REST: variants seen among roughly 807,000 people sequenced by gnomAD.
The protein encoded by REST is RE1-silencing transcription factor.
REST carries 1 observed loss-of-function variant against 30.4 expected under a neutral mutation model. The ratio of observed to expected loss-of-function variants is 0.03; its 90% CI spans 0.01 to 0.16. REST has a LOEUF of 0.16. Among genes scored for constraint, REST ranks in the 10% least tolerant of loss-of-function variants. The pLI, the probability that REST is intolerant of heterozygous loss-of-function variation, is 1.00. For synonymous variants in REST, 504 were observed against 451.1 expected, an observed-to-expected ratio of 1.12 and a Z score of -1.49; for missense variants, 1,259 against 1,329.5, an observed-to-expected ratio of 0.95 and a Z score of 0.82.
At chr4:56,928,130 G>A (rs1560450315) in intron 3 of REST, among the ~76,000 whole-genome samples, 3 of 152,118 alleles carry the variant, frequency 2.0e-5, no homozygotes, top group Non-Finnish European at 4.4e-5. Flanking sequence ...TTTTTGAGAC[G>A]AAGTTTCGCT....
intron 3 of REST, 32 bp downstream of exon 3, chr4:56,919,902 T>C: frequency 8.5e-7 from 1 of 1,178,244 alleles, no homozygotes; most frequent in Non-Finnish European, 1.2e-6. Context: ...TTCTATCATT[T>C]TCAGTAAATG....
rs1560456093 is a variant in REST at position 56,935,368 on chromosome 4, AGATT to A, written c.*3219_*3222del. 6 of 152,264 alleles carry A rather than the reference AGATT, an allele frequency of 3.9e-5. No individual in the cohort carries two copies. The highest frequency in any genetic ancestry group is 8.8e-5 in the Non-Finnish European group (6 of 68,046). The allele number at this position is 152,264 out of a possible 1,614,324, so 9.4% of individuals were successfully genotyped here. On this transcript the variant is annotated 3_prime_UTR_variant, in exon 4 of 4. Transcript: ENST00000309042. ...TGAAGTGAACAGATAGTGTTAATTC[AGATT>A]GAAGAAATTATCTGAATCTTGGTTT... is the stretch of plus-strand genomic sequence containing the variant.
In REST at chr4:56,930,633, G is replaced by C. The variant is rs751413133; in HGVS notation, c.1775G>C (p.Ser592Thr). The C allele has an allele frequency of 6.2e-7, 1 of 1,613,274 alleles. No individual in the cohort carries two copies. Among genetic ancestry groups the C allele is most frequent in the East Asian group, 2.2e-5 (1 of 44,886 alleles). ...CTGAAAAATAAATCAAGTAAGAAAAGCAGTAAGCCTCCTCAGAAGGAACCT... is the reference window on the plus strand; with the variant it reads ...CTGAAAAATAAATCAAGTAAGAAAACCAGTAAGCCTCCTCAGAAGGAACCT... The part of the protein sequence containing the change: ...KTLKNKSSKK[S>T]SKPPQKEPVE... The change falls in exon 4 of 4, where the codon AGC becomes ACC. Residue 592 changes from serine (S) to threonine (T), a missense_variant. This residue lies in a region of REST where 856 missense variants were observed against 772.8 expected (regional missense o/e 1.11). Transcript: ENST00000309042.
chr4:56,929,104 G>A (rs1720846839), intron 3 of REST, among the ~76,000 whole-genome samples: 2 of 146,588 alleles, frequency 1.4e-5, no homozygotes, highest in Non-Finnish European at 3.0e-5. Flanking sequence ...CAGTCTCGCT[G>A]TCACCTAGGC....
chr4:56,921,172 A>T (rs972336252), intron 3 of REST, among the ~76,000 whole-genome samples: 2 of 152,038 alleles, frequency 1.3e-5, no homozygotes, highest in African/African-American at 4.8e-5. Flanking sequence ...CCGAACTACC[A>T]CTTCTAATTA....
chr4:56,908,810 C>G (rs1719750376), intron 1 of REST: 1 of 151,828 alleles, frequency 6.6e-6, no homozygotes, highest in African/African-American at 2.4e-5. Flanking sequence ...ACCGCTGGAG[C>G]TGGCGGGGCT....
intron 3 of REST, among the ~76,000 whole-genome samples, chr4:56,921,861 C>T (rs1425776734): frequency 6.6e-6 from 1 of 152,130 alleles, no homozygotes; most frequent in Non-Finnish European, 1.5e-5. Context: ...TTAATTTTAA[C>T]TGTTTCCTTT....
Position 56,911,098 on chromosome 4 carries a change from T to C in REST, c.460T>C (p.Ser154Pro). ...TGGAGCGGAGGACAAAGGCAAGAGC[T>C]CGAAGACCAAACCCTTTCGCTGTAA... is the stretch of plus-strand genomic sequence containing the variant. ...TPGAEDKGKS[S>P]KTKPFRCKPC... is the part of the protein sequence containing the mutation. Residue 154 changes from serine to proline, a missense_variant, in exon 2 of 4, where the codon TCG becomes CCG. Around this residue, in one of 5 missense-constraint regions of REST, gnomAD observed 249 missense variants for 251.5 expected, o/e 0.99. Transcript: ENST00000309042. 1 of 1,614,170 alleles carries C rather than the reference T, an allele frequency of 6.2e-7. No homozygotes were observed. Among genetic ancestry groups the C allele is most frequent in the African/African-American group, 1.3e-5 (1 of 75,038 alleles).
intron 3 of REST, among the ~76,000 whole-genome samples, chr4:56,929,243 G>A (rs192518633): frequency 1.3e-5 from 2 of 151,302 alleles, no homozygotes; most frequent in African/African-American, 2.4e-5. Context: ...AATTTTTTTT[G>A]TATTTTTAGT....
At position 56,908,019 on chromosome 4, in the gene REST, G is replaced by C. The variant is rs1719699523; in HGVS notation, c.-204G>C. ...CCCTGGCGGCGGCTGCCGCAGCCGA[G>C]ACGGCAGGGCGAGGCCCGGAGGCCT... On this transcript the variant is annotated 5_prime_UTR_variant, in exon 1 of 4. Transcript: ENST00000309042. 1 of 369,570 alleles carries C rather than the reference G, an allele frequency of 2.7e-6. No individual in the cohort carries two copies. Among genetic ancestry groups the C allele is most frequent in the Non-Finnish European group, 4.8e-6 (1 of 207,248 alleles). 22.9% of individuals were successfully genotyped at this position (369,570 alleles called of 1,614,324 possible).
intron 1 of REST, among the ~76,000 whole-genome samples, chr4:56,909,831 G>A (rs1458359204): frequency 6.6e-6 from 1 of 152,226 alleles, no homozygotes; most frequent in Non-Finnish European, 1.5e-5. Context: ...CAAGCACAAT[G>A]CAAGAAAGTT....
chr4:56,929,763 A>T, intron 3 of REST, 78 bp from the exon 4 acceptor site: 1 of 1,285,814 alleles, frequency 7.8e-7, no homozygotes, highest in Non-Finnish European at 1.1e-6. Flanking sequence ...TTGTTACTTT[A>T]CATATACAGT....
At chr4:56,923,589 C>T (rs1026416113) in intron 3 of REST, among the ~76,000 whole-genome samples, 1 of 152,036 alleles carries the variant, frequency 6.6e-6, no homozygotes, top group Non-Finnish European at 1.5e-5. Flanking sequence ...AAATTACAGG[C>T]ACCCGCCACC....
At chr4:56,908,507 G>A (rs557090350) in intron 1 of REST, among the ~76,000 whole-genome samples, 1 of 151,908 alleles carries the variant, frequency 6.6e-6, no homozygotes, top group Admixed American at 6.5e-5. Context: ...TGGCCCGGAC[G>A]CTCCACCGAG....
At chr4:56,924,707 C>T (rs1387758473) in intron 3 of REST, among the ~76,000 whole-genome samples, 1 of 151,992 alleles carries the variant, frequency 6.6e-6, no homozygotes, top group Non-Finnish European at 1.5e-5. Context: ...AAGCGATCCA[C>T]TTGCCTCACC....
At chr4:56,918,323 C>G (rs1224264800) in intron 2 of REST, among the ~76,000 whole-genome samples, 1 of 142,384 alleles carries the variant, frequency 7.0e-6, no homozygotes, top group Non-Finnish European at 1.5e-5. Context: ...AAAACCTGGT[C>G]TCTACCCAAA....
rs1330970187 is a variant in REST, at chr4:56,934,485, T to A, written c.*2333T>A. On this transcript the variant is annotated 3_prime_UTR_variant, in exon 4 of 4. Transcript: ENST00000309042. The stretch of plus-strand genomic sequence containing the variant: ...ATTAAATTGATTTGTAAAAACATTG[T>A]TACTGGAAATTTATTGGACTTGAGG... 1.3e-5 allele frequency: 2 copies of A among 152,214 alleles called. No homozygotes were observed. Among genetic ancestry groups the A allele is most frequent in the Non-Finnish European group, 2.9e-5 (2 of 68,024 alleles). 9.4% of individuals were successfully genotyped at this position (152,214 alleles called of 1,614,324 possible).
At chr4:56,921,136 TTAC>T (rs1720429318) in intron 3 of REST, among the ~76,000 whole-genome samples, 1 of 152,112 alleles carries the variant, frequency 6.6e-6, no homozygotes, top group Non-Finnish European at 1.5e-5. Flanking sequence ...AGTACTGGGA[TTAC>T]AGTCATGAGC....
chr4:56,931,797 A>G lies in REST; in HGVS notation c.2939A>G (p.Glu980Gly). The change falls in exon 4 of 4, where the codon GAA (glutamate) becomes GGA (glycine). Residue 980 changes from glutamate (E) to glycine (G), a missense_variant. Transcript: ENST00000309042. ...VSPMLPPSAV[E>G]EREAVSKTAL... is the part of the protein sequence containing the mutation. ...CCAATGCTTCCCCCTTCAGCAGTAG[A>G]AGAACGTGAAGCAGTGTCCAAAACT... 1 of 1,614,220 alleles carries G rather than the reference A, an allele frequency of 6.2e-7. No individual in the cohort carries two copies. Among genetic ancestry groups the G allele is most frequent in the Non-Finnish European group, 8.5e-7 (1 of 1,180,036 alleles).
Sources: allele counts gnomAD v4.1 joint callset (sites outside exome capture counted in the v4.1 genomes callset), GRCh38; gene constraint gnomAD v4.1.1; regional missense constraint gnomAD v4.1.1; transcripts MANE v1.5; gene names NCBI Gene and HGNC (gene_info 2026-07-23, HGNC 2026-07-21).